MAMDC2: variants seen among roughly 807,000 people sequenced by gnomAD.
MAMDC2 encodes the protein MAM domain containing 2.
Under a neutral mutation model 89.8 loss-of-function variants are expected in MAMDC2, and 57 were observed. The ratio of observed to expected loss-of-function variants is 0.63; its 90% CI spans 0.51 to 0.79. The LOEUF is 0.79. MAMDC2 is among the 30% of genes least tolerant of loss of function. The pLI, the probability that MAMDC2 is intolerant of heterozygous loss-of-function variation, is 0.00. For synonymous variants in MAMDC2, 313 were observed against 293.4 expected (o/e 1.07, Z -0.68); for missense variants, 800 against 820.6 (o/e 0.97, Z 0.31).
intron 9 of MAMDC2, among the ~76,000 whole-genome samples, chr9:70,162,785 G>A (rs12236327): frequency 0.78 from 119,174 of 151,958 alleles, 46,856 homozygotes; most frequent in Admixed American, 0.83. Flanking sequence ...ACCTGGACTC[G>A]TGGGTACTTT....
At chr9:70,188,188 C>T (rs929891394) in intron 11 of MAMDC2, among the ~76,000 whole-genome samples, 4 of 152,104 alleles carry the variant, frequency 2.6e-5, no homozygotes, top group Non-Finnish European at 4.4e-5. Flanking sequence ...TCAGTTGCAA[C>T]TTATTTGTAT....
At chr9:70,211,006 G>A (rs151229075) in intron 11 of MAMDC2, among the ~76,000 whole-genome samples, 10,492 of 152,284 alleles carry the variant, frequency 0.069, 576 homozygotes, top group East Asian at 0.22. Flanking sequence ...TCAGCTATTA[G>A]TTTGATGGGC....
At chr9:70,113,408 T>G (rs1828562911) in intron 5 of MAMDC2, among the ~76,000 whole-genome samples, 1 of 152,258 alleles carries the variant, frequency 6.6e-6, no homozygotes, top group South Asian at 2.1e-4. Flanking sequence ...TGCATTTTCA[T>G]ATTTCCATAT....
In MAMDC2 at chr9:70,170,462, C is replaced by T. The variant is rs760742366; in HGVS notation, c.1499-17C>T. ...GAAAGAGTCTCAGTGATTGCAACATCTGCTATTTTCTTGCAGAGAAACTTC... is the reference window on the plus strand; with the variant it reads ...GAAAGAGTCTCAGTGATTGCAACATTTGCTATTTTCTTGCAGAGAAACTTC... On this transcript the variant is annotated splice_polypyrimidine_tract_variant and intron_variant, in intron 10 of 13. Transcript: ENST00000377182. The T allele has an allele frequency of 6.3e-6, 10 of 1,595,408 alleles. No individual in the cohort carries two copies. The South Asian group carries it at 1.0e-4, about 16-fold the overall frequency.
chr9:70,108,060 G>A (rs1828388390), intron 2 of MAMDC2, 151 bp from the exon 3 acceptor site: 1 of 671,128 alleles, frequency 1.5e-6, no homozygotes, highest in Non-Finnish European at 2.4e-6. Flanking sequence ...TTCAAAAGAG[G>A]CCAGTGATCC....
In MAMDC2 at chr9:70,107,817, C is replaced by G. The variant is rs1302092282; in HGVS notation, c.149-394C>G. Among the ~76,000 whole-genome samples, 10 of 152,148 alleles carry G rather than the reference C, an allele frequency of 6.6e-5. No individual in the cohort carries two copies. In the East Asian group the frequency reaches 1.9e-3, roughly 29 times the overall value. On this transcript the variant is annotated intron_variant, in intron 2 of 13. Transcript: ENST00000377182. Reference sequence around the variant, plus strand: ...CATGCCGCTCTTCTGATTCTGATGTCCCTCAGCCTGCAGAAACATATGCCT... The same window carrying G: ...CATGCCGCTCTTCTGATTCTGATGTGCCTCAGCCTGCAGAAACATATGCCT...
intron 6 of MAMDC2, among the ~76,000 whole-genome samples, chr9:70,129,305 CTCTTT>C (rs879296329): frequency 1.1e-4 from 16 of 152,236 alleles, no homozygotes; most frequent in Non-Finnish European, 2.1e-4. Context: ...CTCTTCTCTT[CTCTTT>C]GCCTGCTTCC....
intron 2 of MAMDC2, chr9:70,088,369 G>C (rs1827817964): frequency 1.3e-5 from 2 of 152,116 alleles, no homozygotes; most frequent in Admixed American, 6.6e-5. Flanking sequence ...GCTTCAACTA[G>C]AGGTATTTTA....
chr9:70,193,135 C>A (rs1246709828), intron 11 of MAMDC2, among the ~76,000 whole-genome samples: 1 of 152,084 alleles, frequency 6.6e-6, no homozygotes, highest in Non-Finnish European at 1.5e-5. Context: ...TTCAGTCAAG[C>A]AAAGACTCTG....
At chr9:70,053,121 A>G (rs1826949198) in intron 2 of MAMDC2, among the ~76,000 whole-genome samples, 1 of 152,188 alleles carries the variant, frequency 6.6e-6, no homozygotes, top group Non-Finnish European at 1.5e-5. Context: ...ACCCACCTTG[A>G]TGGTTAAAAG....
Position 70,226,303 on chromosome 9 carries a change from T to C in MAMDC2, c.*271T>C. ...GTACCAGTTAAAAATACAAATGTAC[T>C]ATATTGTAGTCATTTTAAAGTACAC... On this transcript the variant is annotated 3_prime_UTR_variant, in exon 14 of 14. Transcript: ENST00000377182. 1 of 220,380 alleles carries C rather than the reference T, an allele frequency of 4.5e-6. No individual in the cohort carries two copies. Among genetic ancestry groups the C allele is most frequent in the Non-Finnish European group, 8.9e-6 (1 of 112,648 alleles). The allele number at this position is 220,380 out of a possible 1,614,324, so 13.7% of individuals were successfully genotyped here.
At chr9:70,095,637 A>G (rs910177565) in intron 2 of MAMDC2, among the ~76,000 whole-genome samples, 2 of 152,218 alleles carry the variant, frequency 1.3e-5, no homozygotes, top group Non-Finnish European at 2.9e-5. Flanking sequence ...GAGATGCCCA[A>G]CAGAAAGATA....
intron 7 of MAMDC2, among the ~76,000 whole-genome samples, 172 bp from the exon 8 acceptor site, chr9:70,139,973 G>A (rs886264562): frequency 3.3e-5 from 5 of 152,306 alleles, no homozygotes; most frequent in Middle Eastern, 3.4e-3. Flanking sequence ...ATGTTGAAAT[G>A]TTGGTTTGAT....
intron 2 of MAMDC2, chr9:70,092,774 AT>A (rs1400134797): frequency 2.0e-5 from 3 of 152,218 alleles, no homozygotes; most frequent in Non-Finnish European, 2.9e-5. Flanking sequence ...GGAGAAAAAA[AT>A]GTTTTATATT....
At chr9:70,211,340 TC>T (rs1237291156) in intron 11 of MAMDC2, among the ~76,000 whole-genome samples, 1 of 152,202 alleles carries the variant, frequency 6.6e-6, no homozygotes, top group Non-Finnish European at 1.5e-5. Flanking sequence ...ACTCTTTTTT[TC>T]TCTAAACGTC....
At chr9:70,115,084 A>AT (rs1218189838) in intron 5 of MAMDC2, among the ~76,000 whole-genome samples, 1 of 152,142 alleles carries the variant, frequency 6.6e-6, no homozygotes, top group Non-Finnish European at 1.5e-5. Context: ...CAGGAAAGAG[A>AT]TTTTAACTTT....
intron 11 of MAMDC2, among the ~76,000 whole-genome samples, chr9:70,186,064 GTTTT>G (rs149035167): frequency 6.7e-6 from 1 of 150,326 alleles, no homozygotes; most frequent in East Asian, 2.0e-4. Flanking sequence ...TTTACAAGTT[GTTTT>G]TTTTTCTTTA....
chr9:70,117,067 C>A (rs2030039309), intron 5 of MAMDC2, among the ~76,000 whole-genome samples: 1 of 152,186 alleles, frequency 6.6e-6, no homozygotes, highest in Non-Finnish European at 1.5e-5. Context: ...AGACTACGCA[C>A]CTTCCAGCCA....
chr9:70,204,590 C>G lies in MAMDC2; in HGVS notation c.1652-13747C>G, dbSNP rs947888616. 7.3e-5 allele frequency among the ~76,000 whole-genome samples: 11 copies of G among 151,290 alleles called. No individual in the cohort carries two copies. In the Middle Eastern group the frequency reaches 0.017, roughly 239 times the overall value. On this transcript the variant is annotated intron_variant, in intron 11 of 13. Transcript: ENST00000377182. ...GAGCTGTGGTGGGCTCCACCCAGTT[C>G]GAGCTTCCCGGCTGCTTTGTTTACC...
Sources: gnomAD v4.1 joint callset for allele counts (sites outside exome capture counted in the v4.1 genomes callset) on GRCh38, gnomAD v4.1.1 for gene constraint, MANE v1.5 for transcripts, NCBI Gene and HGNC (gene_info 2026-07-23, HGNC 2026-07-21) for gene names.